Variants in MGAT4A observed in about 807,000 individuals in gnomAD.
MGAT4A encodes the protein alpha-1,3-mannosyl-glycoprotein 4-beta-N-acetylglucosaminyltransferase A.
A neutral mutation model predicts 74.1 loss-of-function variants in MGAT4A; 33 were observed. The observed-to-expected ratio is 0.45, with a 90% CI of 0.34 to 0.60. MGAT4A has a LOEUF of 0.60. Ranked by LOEUF, MGAT4A falls within the 20% of genes least tolerant of loss-of-function variation. The pLI, the probability that MGAT4A is intolerant of heterozygous loss-of-function variation, is 0.02. For synonymous variants in MGAT4A, 198 were observed against 210.4 expected (o/e 0.94, Z 0.51); for missense variants, 479 against 628.3 (o/e 0.76, Z 2.54).
intron 2 of MGAT4A, among the ~76,000 whole-genome samples, chr2:98,693,299 G>T (rs959212127): frequency 4.0e-4 from 61 of 152,036 alleles, no homozygotes; most frequent in Non-Finnish European, 8.1e-4. Flanking sequence ...TATCTGAAAA[G>T]AATGGCTAAA....
In MGAT4A at chr2:98,645,531, A is replaced by G. The variant is rs1051462573; in HGVS notation, c.786T>C (p.Asp262=). ...TAAAATAATTTTGTTTGACAATAAT[A>G]TCATCTTCAAGCTAGAGAAAATTGA... ...KGIYYIQLED[D]IIVKQNYFNT... The change falls in exon 9 of 16, where the codon GAT becomes GAC. Residue 262 remains aspartate (D), a synonymous_variant. Transcript: ENST00000393487. 2 of 1,568,088 alleles carry G rather than the reference A, an allele frequency of 1.3e-6. No individual in the cohort carries two copies. Among genetic ancestry groups the G allele is most frequent in the African/African-American group, 1.4e-5 (1 of 72,770 alleles).
At chr2:98,698,848 T>C (rs1702311852) in intron 2 of MGAT4A, among the ~76,000 whole-genome samples, 1 of 152,210 alleles carries the variant, frequency 6.6e-6, no homozygotes. Context: ...TGTCTTCCTG[T>C]GAAGTTTTCT....
At chr2:98,629,050 T>C (rs935110136) in intron 14 of MGAT4A, among the ~76,000 whole-genome samples, 1 of 152,252 alleles carries the variant, frequency 6.6e-6, no homozygotes, top group Non-Finnish European at 1.5e-5. Context: ...GCACAATGTA[T>C]TCTTTTTACT....
At chr2:98,700,718 CCATCT>C (rs1702343362) in intron 2 of MGAT4A, among the ~76,000 whole-genome samples, 1 of 151,956 alleles carries the variant, frequency 6.6e-6, no homozygotes, top group Non-Finnish European at 1.5e-5. Context: ...TGGCAAAACC[CCATCT>C]CTACTAAAAG....
At chr2:98,680,225 G>A (rs1162254960) in intron 2 of MGAT4A, among the ~76,000 whole-genome samples, 1 of 152,008 alleles carries the variant, frequency 6.6e-6, no homozygotes, top group South Asian at 2.1e-4. Context: ...CGTATTTTCA[G>A]TAGAGATGGG....
At chr2:98,685,294 G>A (rs1050424204) in intron 2 of MGAT4A, among the ~76,000 whole-genome samples, 2 of 151,474 alleles carry the variant, frequency 1.3e-5, no homozygotes, top group Non-Finnish European at 2.9e-5. Context: ...CACATTGAAC[G>A]GATACAATTC....
chr2:98,713,690 T>C (rs776542714), intron 2 of MGAT4A, among the ~76,000 whole-genome samples: 23 of 152,120 alleles, frequency 1.5e-4, no homozygotes, highest in Non-Finnish European at 2.8e-4. Context: ...AAGGAAGGAA[T>C]AGAAATGGGA....
chr2:98,648,605 G>A (rs917859765), intron 8 of MGAT4A, among the ~76,000 whole-genome samples: 6 of 151,680 alleles, frequency 4.0e-5, no homozygotes, highest in African/African-American at 1.5e-4. Context: ...TGTGGCCCCA[G>A]CCGCACAGGA....
rs1427846885 is a variant in MGAT4A, at chr2:98,621,530, A to G, written c.*4036T>C. ...GCTTTTAAAGGAGTCACAAGATTTG[A>G]TTAGCCACCCCCAGACAGTCTTCCT... On this transcript the variant is annotated 3_prime_UTR_variant, in exon 16 of 16. Transcript: ENST00000393487. The G allele has an allele frequency of 8.4e-6, 13 of 1,551,458 alleles. No individual in the cohort carries two copies. The highest frequency in any genetic ancestry group is 8.7e-6 in the Non-Finnish European group (10 of 1,146,930).
At chr2:98,728,787 TAAATC>T (rs1702801782) in intron 1 of MGAT4A, among the ~76,000 whole-genome samples, 1 of 152,080 alleles carries the variant, frequency 6.6e-6, no homozygotes, top group Admixed American at 6.5e-5. Flanking sequence ...CTAATTGTCT[TAAATC>T]AATAAGCACC....
Position 98,644,073 on chromosome 2 carries a change from C to T in MGAT4A, c.890-20G>A, listed in dbSNP as rs1004010802. 6.5e-7 allele frequency: 1 copy of T among 1,543,354 alleles called. No individual in the cohort carries two copies. Among genetic ancestry groups the T allele is most frequent in the Admixed American group, 1.8e-5 (1 of 55,524 alleles). On this transcript the variant is annotated intron_variant, in intron 9 of 15. Transcript: ENST00000393487. Reference sequence around the variant, plus strand: ...TTTTACCTGAAAAGATATTCCCAGTCAATAGCTGCAATGAAGAAACCAAGC... The same window carrying T: ...TTTTACCTGAAAAGATATTCCCAGTTAATAGCTGCAATGAAGAAACCAAGC...
intron 2 of MGAT4A, among the ~76,000 whole-genome samples, chr2:98,718,761 AT>A (rs1337288142): frequency 6.6e-6 from 1 of 152,220 alleles, no homozygotes; most frequent in Non-Finnish European, 1.5e-5. Context: ...TGCTGATGGA[AT>A]GCAGGCTCTA....
intron 8 of MGAT4A, among the ~76,000 whole-genome samples, chr2:98,646,180 G>A (rs1435764113): frequency 6.6e-6 from 1 of 151,782 alleles, no homozygotes; most frequent in South Asian, 2.1e-4. Flanking sequence ...AGTTTGAATT[G>A]GAACTATCAA....
chr2:98,619,548 T>A lies in MGAT4A; in HGVS notation c.*6018A>T, dbSNP rs376226232. The A allele has an allele frequency of 2.0e-4, 30 of 152,312 alleles. 1 individual carries two copies. The highest frequency in any genetic ancestry group is 6.7e-4 in the African/African-American group (28 of 41,562). The allele number at this position is 152,312 out of a possible 1,614,324, so 9.4% of individuals were successfully genotyped here. A position where few individuals can be genotyped will look rare whatever the true frequency, so the allele number is the denominator to read the frequency against. ...AACACAATTGTTACACTTTGCTGAT[T>A]TCTAAATCTTTCTTAGAAAACATTA... On this transcript the variant is annotated 3_prime_UTR_variant, in exon 16 of 16. Coordinates refer to ENST00000393487, the MANE Select transcript of MGAT4A (RefSeq NM_012214.3).
chr2:98,632,383 A>ACTT (rs1701252666), intron 14 of MGAT4A, among the ~76,000 whole-genome samples: 1 of 152,162 alleles, frequency 6.6e-6, no homozygotes, highest in African/African-American at 2.4e-5. Context: ...GGGTAAGGGA[A>ACTT]CTTTTCCCGT....
At chr2:98,697,410 G>C (rs1702292557) in intron 2 of MGAT4A, among the ~76,000 whole-genome samples, 1 of 152,210 alleles carries the variant, frequency 6.6e-6, no homozygotes, top group Admixed American at 6.5e-5. Context: ...TGCAGGGGTT[G>C]GTGTGACTAT....
chr2:98,679,173 G>A (rs1010425015), intron 2 of MGAT4A, among the ~76,000 whole-genome samples: 7 of 152,066 alleles, frequency 4.6e-5, no homozygotes, highest in African/African-American at 9.7e-5. Flanking sequence ...TTGGGAGGCC[G>A]AGGTGGGCGG....
intron 2 of MGAT4A, 25 bp from the exon 3 acceptor site, chr2:98,678,496 T>C (rs555837905): frequency 2.8e-5 from 41 of 1,487,544 alleles, no homozygotes; most frequent in Non-Finnish European, 3.2e-5. Flanking sequence ...AAAACAGTTA[T>C]AGTATATGTC....
At chr2:98,641,880 C>T (rs1461023600) in intron 10 of MGAT4A, among the ~76,000 whole-genome samples, 1 of 151,430 alleles carries the variant, frequency 6.6e-6, no homozygotes, top group Non-Finnish European at 1.5e-5. Context: ...GTAGTCCCAG[C>T]TACTCAGGAG....
Sources: gnomAD v4.1 joint callset for allele counts (sites outside exome capture counted in the v4.1 genomes callset) on GRCh38, gnomAD v4.1.1 for gene constraint, MANE v1.5 for transcripts, NCBI Gene and HGNC (gene_info 2026-07-23, HGNC 2026-07-21) for gene names.